COQ7: variants seen among roughly 807,000 people sequenced by gnomAD.
COQ7 encodes the protein NADPH-dependent 3-demethoxyubiquinone 3-hydroxylase, mitochondrial.
A neutral mutation model predicts 25.0 loss-of-function variants in COQ7; 21 were observed. The observed-to-expected ratio is 0.84, with a 90% CI of 0.60 to 1.21. The LOEUF (loss-of-function observed/expected upper bound fraction) is 1.21, where lower values mean the gene tolerates loss of function less well. COQ7 is among the 50% of genes most tolerant of loss of function. COQ7 has a pLI of 0.00. For synonymous variants in COQ7, 125 were observed against 112.4 expected (o/e 1.11, Z -0.71); for missense variants, 311 against 296.2 (o/e 1.05, Z -0.37).
chr16:19,071,562 A>C (rs1412206482), intron 1 of COQ7, among the ~76,000 whole-genome samples: 2 of 152,234 alleles, frequency 1.3e-5, no homozygotes. Context: ...GGGGAAGAGC[A>C]CGGTGTTTTT....
chr16:19,069,499 C>T (rs1596819289), intron 1 of COQ7, among the ~76,000 whole-genome samples: 1 of 151,400 alleles, frequency 6.6e-6, no homozygotes, highest in Non-Finnish European at 1.5e-5. Flanking sequence ...CAACCTCCGC[C>T]TCCTGGGTTC....
chr16:19,078,504 C>G lies in COQ7; in HGVS notation c.*346C>G, dbSNP rs1962978940. Reference sequence around the variant, plus strand: ...TGTTTTTTGGAGACAGGGCCTCGCTCTTTTGTCCAGGCCGGGTCACAACTC... The same window carrying G: ...TGTTTTTTGGAGACAGGGCCTCGCTGTTTTGTCCAGGCCGGGTCACAACTC... On this transcript the variant is annotated 3_prime_UTR_variant, in exon 6 of 6. Transcript: ENST00000321998. 6.5e-6 allele frequency: 1 copy of G among 152,934 alleles called. No homozygotes were observed. Among genetic ancestry groups the G allele is most frequent in the African/African-American group, 2.4e-5 (1 of 41,402 alleles). The allele number at this position is 152,934 out of a possible 1,614,324, so 9.5% of individuals were successfully genotyped here.
chr16:19,075,422 A>G (rs1166833117), intron 3 of COQ7, among the ~76,000 whole-genome samples: 1 of 102,108 alleles, frequency 9.8e-6, no homozygotes, highest in East Asian at 3.2e-4. Context: ...TTGGTCTCGA[A>G]CTCCTGACCT....
At position 19,072,053 on chromosome 16, in the gene COQ7, T is replaced by A; in HGVS notation, c.199T>A (p.Tyr67Asn). 3 of 1,614,226 alleles carry A rather than the reference T, an allele frequency of 1.9e-6. No individual in the cohort carries two copies. Among genetic ancestry groups the A allele is most frequent in the South Asian group, 2.2e-5 (2 of 91,088 alleles). ...AGGCGAATATGGAGCAAACCGCATC[T>A]ATGCCGGGCAGATGGCTGTCCTGGG... Reference protein sequence around the residue: ...HAGEYGANRIYAGQMAVLGRT... With the variant: ...HAGEYGANRINAGQMAVLGRT... The change falls in exon 2 of 6, where the codon TAT becomes AAT. Residue 67 changes from tyrosine to asparagine, a missense_variant. Tyr to Asn is a moderately radical substitution (Grantham distance 143, BLOSUM62 -2). Coordinates refer to ENST00000321998, the MANE Select transcript of COQ7 (RefSeq NM_016138.5).
At position 19,071,931 on chromosome 16, in the gene COQ7, A is replaced by G. The variant is rs778199421; in HGVS notation, c.77A>G (p.Tyr26Cys). Residue 26 changes from tyrosine to cysteine, a missense_variant, in exon 2 of 6, where the codon TAT becomes TGT. Coordinates refer to ENST00000321998, the MANE Select transcript of COQ7 (RefSeq NM_016138.5). The stretch of plus-strand genomic sequence containing the variant: ...AGAATAAACACTTGCATTTCAGCTT[A>G]TGGAAGAAGAACCAGTGTCAGATTT... ...RPGARRSLSA[Y>C]GRRTSVRFRS... 14 of 1,614,224 alleles carry G rather than the reference A, an allele frequency of 8.7e-6. No homozygotes were observed. In the East Asian group the frequency reaches 3.1e-4, roughly 36 times the overall value.
Position 19,075,765 on chromosome 16 carries a change from A to G in COQ7, c.412A>G (p.Thr138Ala). 1 of 1,609,234 alleles carries G rather than the reference A, an allele frequency of 6.2e-7. No individual in the cohort carries two copies. Among genetic ancestry groups the G allele is most frequent in the Non-Finnish European group, 8.5e-7 (1 of 1,177,554 alleles). ...LLGKEGAMAC[T>A]VAVEESIAHH... The stretch of plus-strand genomic sequence containing the variant: ...CGGGAAGGAAGGTGCCATGGCCTGC[A>G]CCGTGGCGGTGGAAGAGAGCATAGC... The change falls in exon 4 of 6, where the codon ACC becomes GCC. Residue 138 changes from threonine to alanine, a missense_variant. Thr to Ala is a moderately conservative substitution (Grantham distance 58, BLOSUM62 0). Transcript: ENST00000321998.
chr16:19,072,640 C>T (rs899215268), intron 2 of COQ7, among the ~76,000 whole-genome samples: 1 of 152,140 alleles, frequency 6.6e-6, no homozygotes, highest in Non-Finnish European at 1.5e-5. Flanking sequence ...CGGGTCTGGC[C>T]CATAAAGGTC....
At chr16:19,070,468 C>T (rs904468135) in intron 1 of COQ7, among the ~76,000 whole-genome samples, 13 of 152,200 alleles carry the variant, frequency 8.5e-5, no homozygotes, top group Non-Finnish European at 1.8e-4. Flanking sequence ...CATGGTGGCT[C>T]ACGCCTGTAA....
intron 4 of COQ7, among the ~76,000 whole-genome samples, chr16:19,076,888 G>A (rs572531654): frequency 6.6e-6 from 1 of 152,228 alleles, no homozygotes; most frequent in African/African-American, 2.4e-5. Flanking sequence ...CACCGCGCCC[G>A]GCCCACTTCT....
At chr16:19,075,279 T>G (rs1451517507) in intron 3 of COQ7, among the ~76,000 whole-genome samples, 1 of 150,226 alleles carries the variant, frequency 6.7e-6, no homozygotes, top group Non-Finnish European at 1.5e-5. Context: ...CTTGGCTCAC[T>G]GCAACCTCCA....
In COQ7 at chr16:19,077,942, T is replaced by G. The variant is rs74014441; in HGVS notation, c.577-139T>G. The G allele has an allele frequency of 4.6e-3, 2,610 of 571,012 alleles. 61 individuals carry two copies. The highest frequency in any genetic ancestry group is 0.045 in the African/African-American group (2,300 of 51,376). The allele number at this position is 571,012 out of a possible 1,614,324, so 35.4% of individuals were successfully genotyped here. The stretch of plus-strand genomic sequence containing the variant: ...AGGCATTCCGACCTTTTGAATAGCT[T>G]TCTTTGAAACTAAAATAAATTGTTC... On this transcript the variant is annotated intron_variant, in intron 5 of 5. Transcript: ENST00000321998.
chr16:19,067,637 G>C lies in COQ7; in HGVS notation c.-28G>C, dbSNP rs373677133. 7 of 1,613,538 alleles carry C rather than the reference G, an allele frequency of 4.3e-6. No individual in the cohort carries two copies. In the African/African-American group the frequency reaches 6.7e-5, roughly 15 times the overall value. Reference sequence around the variant, plus strand: ...GCACTATTGGCCAGTTCCGTTCAACGAAGTGGTTGCTTTTTTTAGTTCCGG... The same window carrying C: ...GCACTATTGGCCAGTTCCGTTCAACCAAGTGGTTGCTTTTTTTAGTTCCGG... On this transcript the variant is annotated 5_prime_UTR_variant, in exon 1 of 6. Coordinates refer to ENST00000321998, the MANE Select transcript of COQ7 (RefSeq NM_016138.5).
chr16:19,075,633 C>T (rs1442947601), intron 3 of COQ7, 88 bp from the exon 4 acceptor site: 3 of 1,416,694 alleles, frequency 2.1e-6, no homozygotes, highest in Non-Finnish European at 1.9e-6. Flanking sequence ...ATGTCTGGTG[C>T]AGAGGTTAAG....
intron 2 of COQ7, among the ~76,000 whole-genome samples, chr16:19,073,078 G>C (rs1490455408): frequency 2.0e-5 from 3 of 152,130 alleles, no homozygotes; most frequent in African/African-American, 7.2e-5. Flanking sequence ...AGCTGTGGCG[G>C]GTGGATCACC....
At chr16:19,071,218 C>G (rs1037440321) in intron 1 of COQ7, among the ~76,000 whole-genome samples, 5 of 152,212 alleles carry the variant, frequency 3.3e-5, no homozygotes, top group Non-Finnish European at 5.9e-5. Flanking sequence ...TCACGGCAAT[C>G]TCTGCCTCCC....
At chr16:19,076,390 C>T (rs546322653) in intron 4 of COQ7, among the ~76,000 whole-genome samples, 8 of 151,446 alleles carry the variant, frequency 5.3e-5, no homozygotes, top group East Asian at 3.9e-4. Context: ...CCACCACATC[C>T]GGCCAGAACC....
chr16:19,074,314 A>C (rs1962721210), intron 3 of COQ7, among the ~76,000 whole-genome samples: 1 of 151,982 alleles, frequency 6.6e-6, no homozygotes, highest in Non-Finnish European at 1.5e-5. Context: ...TCATGAGGTC[A>C]GGAGTTCGAG....
chr16:19,067,864 A>T, intron 1 of COQ7, 127 bp downstream of exon 1: 1 of 1,500,182 alleles, frequency 6.7e-7, no homozygotes. Context: ...ACGGAGCGCG[A>T]CTGCGTGACT....
At chr16:19,070,874 C>T (rs528852342) in intron 1 of COQ7, among the ~76,000 whole-genome samples, 1 of 152,154 alleles carries the variant, frequency 6.6e-6, no homozygotes, top group Non-Finnish European at 1.5e-5. Flanking sequence ...AAGAATGCTG[C>T]AAAACTCCTC....
Sources: allele counts gnomAD v4.1 joint callset (sites outside exome capture counted in the v4.1 genomes callset), GRCh38; gene constraint gnomAD v4.1.1; transcripts MANE v1.5; gene names NCBI Gene and HGNC (gene_info 2026-07-23, HGNC 2026-07-21).